PLEKHA7: variants seen among roughly 807,000 people sequenced by gnomAD.
PLEKHA7 encodes the protein pleckstrin homology domain-containing family A member 7.
In PLEKHA7, 104 loss-of-function variants were observed where a neutral mutation model predicts 170.0. The observed-to-expected ratio is 0.61, with a 90% CI of 0.52 to 0.72. The LOEUF (loss-of-function observed/expected upper bound fraction) is 0.72, where lower values mean the gene tolerates loss of function less well. PLEKHA7 is among the 30% of genes least tolerant of loss of function. The pLI is 0.00. For synonymous variants in PLEKHA7, 648 were observed against 660.8 expected (o/e 0.98, Z 0.30); for missense variants, 1,615 against 1,671.7 (o/e 0.97, Z 0.59).
chr11:16,806,280 A>G (rs1260888266), intron 13 of PLEKHA7, among the ~76,000 whole-genome samples: 1 of 152,252 alleles, frequency 6.6e-6, no homozygotes, highest in Admixed American at 6.5e-5. Context: ...GCTCTGCTCC[A>G]GACAGCCGAG....
intron 9 of PLEKHA7, among the ~76,000 whole-genome samples, chr11:16,828,087 G>A (rs889151628): frequency 6.6e-6 from 1 of 152,176 alleles, no homozygotes; most frequent in Non-Finnish European, 1.5e-5. Flanking sequence ...CTCCACATGG[G>A]ATCTGCTTCT....
chr11:16,830,537 G>A (rs889331930), intron 9 of PLEKHA7, among the ~76,000 whole-genome samples: 2 of 152,208 alleles, frequency 1.3e-5, no homozygotes, highest in African/African-American at 4.8e-5. Context: ...TGTCATAAAA[G>A]CCAGACAGTG....
Position 16,886,133 on chromosome 11 carries a change from A to T in PLEKHA7, c.222-14951T>A, listed in dbSNP as rs530286772. Among the ~76,000 whole-genome samples, 3 of 152,338 alleles carry T rather than the reference A, an allele frequency of 2.0e-5. No homozygotes were observed. The East Asian group carries it at 5.8e-4, about 29-fold the overall frequency. ...TAGAACCCAAAGGAAGAGTGGTACC[A>T]GTGGATGCAGCCCTAATGGCCACCC... On this transcript the variant is annotated intron_variant, in intron 3 of 26. Coordinates refer to ENST00000531066, the MANE Select transcript of PLEKHA7 (RefSeq NM_001329630.2).
intron 3 of PLEKHA7, among the ~76,000 whole-genome samples, chr11:16,960,562 A>C (rs1198191181): frequency 6.6e-6 from 1 of 152,058 alleles, no homozygotes; most frequent in Non-Finnish European, 1.5e-5. Flanking sequence ...CCCTTCCCTC[A>C]TCTGTGACCT....
At chr11:16,799,672 T>C (rs1197399796) in intron 17 of PLEKHA7, among the ~76,000 whole-genome samples, 1 of 152,228 alleles carries the variant, frequency 6.6e-6, no homozygotes, top group Non-Finnish European at 1.5e-5. Context: ...TGAAGGACTT[T>C]GTCAACAACA....
chr11:16,851,288 C>T lies in PLEKHA7; in HGVS notation c.599G>A (p.Ser200Asn). The change falls in exon 8 of 27, where the codon AGC becomes AAC. Residue 200 changes from serine to asparagine, a missense_variant. Transcript: ENST00000531066. The part of the protein sequence containing the change: ...ADYCLFYYKD[S>N]REEAVLGSIP... ...GCTCCCGAGGACCGCTTCTTCTCGG[C>T]TGTCTTTGAATGGAAAAATGCATCA... 6.2e-7 allele frequency: 1 copy of T among 1,609,940 alleles called. No individual in the cohort carries two copies. Among genetic ancestry groups the T allele is most frequent in the Non-Finnish European group, 8.5e-7 (1 of 1,177,692 alleles).
At chr11:16,875,350 TAA>T (rs200521233) in intron 3 of PLEKHA7, among the ~76,000 whole-genome samples, 2 of 135,436 alleles carry the variant, frequency 1.5e-5, no homozygotes, top group Non-Finnish European at 3.4e-5. Flanking sequence ...ACTAGAATAC[TAA>T]ATTTTTTTTT....
intron 12 of PLEKHA7, 25 bp downstream of exon 12, chr11:16,816,153 G>A (rs767910857): frequency 6.2e-5 from 97 of 1,573,328 alleles, no homozygotes; most frequent in Non-Finnish European, 8.1e-5. Flanking sequence ...GGGCTTTGCA[G>A]GCTATGTCTT....
chr11:16,927,947 C>T (rs1199853939), intron 3 of PLEKHA7, among the ~76,000 whole-genome samples: 3 of 149,688 alleles, frequency 2.0e-5, no homozygotes, highest in Non-Finnish European at 4.4e-5. Flanking sequence ...TTGAATAAAA[C>T]AAAATGTTAC....
At chr11:16,878,556 T>G (rs448671) in intron 3 of PLEKHA7, among the ~76,000 whole-genome samples, 36,805 of 152,118 alleles carry the variant, frequency 0.24, 4,726 homozygotes, top group Non-Finnish European at 0.28. Context: ...TCTTTCCTAC[T>G]TAACAGTCTT....
At chr11:16,886,895 G>C (rs1219784046) in intron 3 of PLEKHA7, among the ~76,000 whole-genome samples, 1 of 152,012 alleles carries the variant, frequency 6.6e-6, no homozygotes, top group Non-Finnish European at 1.5e-5. Context: ...ATCAATAAGA[G>C]GGATTAGGGG....
intron 3 of PLEKHA7, among the ~76,000 whole-genome samples, chr11:16,942,646 A>C (rs1298364254): frequency 6.6e-6 from 1 of 152,238 alleles, no homozygotes; most frequent in Non-Finnish European, 1.5e-5. Context: ...GCCAAAGATG[A>C]TAAGGAAGAT....
chr11:16,947,584 C>T (rs1392018141), intron 3 of PLEKHA7, among the ~76,000 whole-genome samples: 3 of 141,196 alleles, frequency 2.1e-5, no homozygotes, highest in Non-Finnish European at 4.7e-5. Flanking sequence ...GAGCGAGACT[C>T]CACCTAAAAA....
At position 16,789,870 on chromosome 11, in the gene PLEKHA7, C is replaced by A; in HGVS notation, c.3061G>T (p.Gly1021Trp). Residue 1021 changes from glycine (G) to tryptophan (W), a missense_variant, in exon 22 of 27, where the codon GGG becomes TGG. Gly to Trp is a radical substitution (Grantham distance 184, BLOSUM62 -2). Coordinates refer to ENST00000531066, the MANE Select transcript of PLEKHA7 (RefSeq NM_001329630.2). The surrounding 1 kb of genome is among the most constrained non-coding windows in gnomAD (Gnocchi z 4.6). ...GACTGCTGGAGCCTTGACGTGGACC[C>A]TGAGAGCCCTTAGTGAGGAAAGAGA... ...YQTLPGRGLS[G>W]STSRLQQSST... is the part of the protein sequence containing the mutation. The A allele has an allele frequency of 6.2e-7, 1 of 1,613,990 alleles. No individual in the cohort carries two copies. The highest frequency in any genetic ancestry group is 8.5e-7 in the Non-Finnish European group (1 of 1,179,866).
chr11:16,870,143 A>G (rs905067702), intron 4 of PLEKHA7, among the ~76,000 whole-genome samples: 3 of 152,156 alleles, frequency 2.0e-5, no homozygotes, highest in African/African-American at 7.2e-5. Flanking sequence ...TGAGCTGAGG[A>G]GCAGGAAAGT....
intron 3 of PLEKHA7, among the ~76,000 whole-genome samples, chr11:16,922,733 G>C (rs1028692971): frequency 2.0e-5 from 3 of 152,176 alleles, no homozygotes; most frequent in South Asian, 4.1e-4. Flanking sequence ...CCAGGTAAAG[G>C]CTCCCTGCCA....
intron 3 of PLEKHA7, among the ~76,000 whole-genome samples, chr11:16,984,955 G>A (rs751649536): frequency 7.9e-5 from 12 of 152,220 alleles, no homozygotes; most frequent in Non-Finnish European, 1.3e-4. Context: ...AGCAACAGAA[G>A]TGGGATTAAA....
chr11:16,885,533 G>A (rs749721288), intron 3 of PLEKHA7, among the ~76,000 whole-genome samples: 5 of 151,134 alleles, frequency 3.3e-5, no homozygotes, highest in Non-Finnish European at 5.9e-5. Flanking sequence ...GAGTGGTGGC[G>A]GAGCCTGTAA....
intron 10 of PLEKHA7, 21 bp downstream of exon 10, chr11:16,826,099 G>C: frequency 1.2e-6 from 2 of 1,601,676 alleles, no homozygotes; most frequent in Non-Finnish European, 1.7e-6. Flanking sequence ...TATAAGCAGC[G>C]ATCCTGAGTC....
Sources: gnomAD v4.1 joint callset for allele counts (sites outside exome capture counted in the v4.1 genomes callset) on GRCh38, gnomAD v4.1.1 for gene constraint, Gnocchi (gnomAD v3.1) non-coding constraint, MANE v1.5 for transcripts, NCBI Gene and HGNC (gene_info 2026-07-23, HGNC 2026-07-21) for gene names.